RASSF8: variants seen among roughly 807,000 people sequenced by gnomAD.
RASSF8 encodes Ras association domain family member 8.
In RASSF8, 22 loss-of-function variants were observed where a neutral mutation model predicts 48.5. The ratio of observed to expected loss-of-function variants is 0.45; its 90% CI spans 0.32 to 0.65. The LOEUF is 0.65. RASSF8 is among the 30% of genes least tolerant of loss of function. RASSF8 has a pLI of 0.03. For missense variants in RASSF8, 418 were observed against 489.2 expected (o/e 0.85, Z 1.37); for synonymous variants, 127 against 171.5 (o/e 0.74, Z 2.03).
chr12:26,042,820 G>T (rs1317720775), intron 2 of RASSF8, among the ~76,000 whole-genome samples: 3 of 152,042 alleles, frequency 2.0e-5, no homozygotes, highest in African/African-American at 7.2e-5. Context: ...ATATTTAAGG[G>T]TTTTACAGTG....
In RASSF8 at chr12:25,993,897, C is replaced by G. The variant is rs534038992; in HGVS notation, c.-202-1140C>G. Among the ~76,000 whole-genome samples, 201 of 152,194 alleles carry G rather than the reference C, an allele frequency of 1.3e-3. 1 individual carries two copies. The highest frequency in any genetic ancestry group is 5.5e-3 in the Admixed American group (84 of 15,284). ...GATTTGGAAGCGGGCACTAGTGCAC[C>G]TTTTTGTTACAACTGTAACACTATG... On this transcript the variant is annotated intron_variant, in intron 1 of 5. Coordinates refer to ENST00000689635, the MANE Select transcript of RASSF8 (RefSeq NM_001394098.1).
At chr12:25,977,890 G>A (rs918390786) in intron 1 of RASSF8, among the ~76,000 whole-genome samples, 1 of 152,158 alleles carries the variant, frequency 6.6e-6, no homozygotes, top group Admixed American at 6.5e-5. Flanking sequence ...ACACTTGGAA[G>A]GTCATTGTAC....
chr12:26,068,928 G>GT lies in RASSF8; in HGVS notation c.*116dup, dbSNP rs1326381448. On this transcript the variant is annotated 3_prime_UTR_variant, in exon 6 of 6. Coordinates refer to ENST00000689635, the MANE Select transcript of RASSF8 (RefSeq NM_001394098.1). The stretch of plus-strand genomic sequence containing the variant: ...GGATCTATTCCACAAGACGCTGTAT[G>GT]TTTTTTCTCTCCTAAATTGCATACC... 2.7e-6 allele frequency: 4 copies of GT among 1,460,320 alleles called. No homozygotes were observed. Among genetic ancestry groups the GT allele is most frequent in the Non-Finnish European group, 3.6e-6 (4 of 1,108,610 alleles). The allele number at this position is 1,460,320 out of a possible 1,614,324, so 90.5% of individuals were successfully genotyped here.
intron 2 of RASSF8, among the ~76,000 whole-genome samples, chr12:25,997,048 A>C (rs143919405): frequency 6.6e-6 from 1 of 152,152 alleles, no homozygotes; most frequent in Non-Finnish European, 1.5e-5. Flanking sequence ...ATAATGATGC[A>C]GTTTCTCTTG....
chr12:26,076,917 C>T (rs998568671), downstream of RASSF8, among the ~76,000 whole-genome samples: 5 of 152,238 alleles, frequency 3.3e-5, no homozygotes, highest in Non-Finnish European at 5.9e-5. Flanking sequence ...CACATCCTCT[C>T]CAGCATCTGT....
chr12:26,069,644 A>T lies in RASSF8; in HGVS notation c.*826A>T. 1.0e-6 allele frequency: 1 copy of T among 985,402 alleles called. No individual in the cohort carries two copies. Among genetic ancestry groups the T allele is most frequent in the Non-Finnish European group, 1.2e-6 (1 of 829,898 alleles). The allele number at this position is 985,402 out of a possible 1,614,324, so 61.0% of individuals were successfully genotyped here. A position where few individuals can be genotyped will look rare whatever the true frequency, so the allele number is the denominator to read the frequency against. ...TGTTTTGTTTCTGCCCTGTCTTATC[A>T]TTTACACTCATGGATCTTCAGAATT... On this transcript the variant is annotated 3_prime_UTR_variant, in exon 6 of 6. Coordinates refer to ENST00000689635, the MANE Select transcript of RASSF8 (RefSeq NM_001394098.1).
chr12:25,978,728 A>G (rs1167780236), intron 1 of RASSF8, among the ~76,000 whole-genome samples: 3 of 151,622 alleles, frequency 2.0e-5, no homozygotes, highest in Non-Finnish European at 1.5e-5. Flanking sequence ...TCAGATCATT[A>G]TAGGCTGGTC....
In RASSF8 at chr12:26,048,991, C is replaced by T. The variant is rs78685789; in HGVS notation, c.-108-6245C>T. Among the ~76,000 whole-genome samples the T allele has an allele frequency of 6.7e-4, 102 of 152,278 alleles. 1 individual carries two copies. In the East Asian group the frequency reaches 0.018, roughly 26 times the overall value. ...CAGGCCGGTCTCGAACTCCTGACCT[C>T]AGGTGATCCGCCTACCTTGGCCTCC... On this transcript the variant is annotated intron_variant, in intron 2 of 5. Transcript: ENST00000689635.
chr12:26,024,689 G>T (rs778096687), intron 2 of RASSF8, among the ~76,000 whole-genome samples: 1 of 152,222 alleles, frequency 6.6e-6, no homozygotes, highest in Non-Finnish European at 1.5e-5. Context: ...GGGCGCTGTG[G>T]CTCACGCCCG....
In RASSF8 at chr12:26,018,975, A is replaced by G. The variant is rs1325122765; in HGVS notation, c.-109+23845A>G. 2.6e-5 allele frequency among the ~76,000 whole-genome samples: 4 copies of G among 152,200 alleles called. No individual in the cohort carries two copies. The East Asian group carries it at 7.7e-4, about 29-fold the overall frequency. On this transcript the variant is annotated intron_variant, in intron 2 of 5. Coordinates refer to ENST00000689635, the MANE Select transcript of RASSF8 (RefSeq NM_001394098.1). ...GACTTCCACCTGGCTTGGTTCAGCC[A>G]TAGTGGTGAAGTGGTGTGGTATGCT...
intron 1 of RASSF8, among the ~76,000 whole-genome samples, chr12:25,985,769 C>T (rs1291830363): frequency 1.3e-5 from 2 of 152,056 alleles, no homozygotes; most frequent in Admixed American, 1.3e-4. Context: ...TTCAGCAGTG[C>T]AGTGCTAGGG....
At chr12:25,998,532 A>G (rs1052520718) in intron 2 of RASSF8, among the ~76,000 whole-genome samples, 6 of 151,946 alleles carry the variant, frequency 3.9e-5, no homozygotes, top group African/African-American at 1.4e-4. Context: ...TATTTTTATT[A>G]CAGACGGGGT....
At chr12:26,004,549 A>G (rs898046630) in intron 2 of RASSF8, among the ~76,000 whole-genome samples, 2 of 152,230 alleles carry the variant, frequency 1.3e-5, no homozygotes, top group African/African-American at 2.4e-5. Context: ...TACACTGTCA[A>G]TTAACACATA....
At chr12:26,027,961 C>T (rs546210143) in intron 2 of RASSF8, among the ~76,000 whole-genome samples, 1 of 152,226 alleles carries the variant, frequency 6.6e-6, no homozygotes, top group African/African-American at 2.4e-5. Context: ...TGAGGAACGT[C>T]AGCTGTGCAG....
chr12:25,978,716 G>A (rs1476040195), intron 1 of RASSF8, among the ~76,000 whole-genome samples: 4 of 151,844 alleles, frequency 2.6e-5, no homozygotes, highest in African/African-American at 9.7e-5. Context: ...GGCACGATGG[G>A]ATCAGATCAT....
At chr12:25,978,448 A>G (rs1454162775) in intron 1 of RASSF8, among the ~76,000 whole-genome samples, 2 of 152,218 alleles carry the variant, frequency 1.3e-5, no homozygotes. Context: ...ACATATAAAT[A>G]TGTTAATAAG....
chr12:26,072,693 T>C lies in RASSF8; in HGVS notation c.*3875T>C. On this transcript the variant is annotated 3_prime_UTR_variant, in exon 6 of 6. Transcript: ENST00000689635. ...TTCACTAATTGTGAGCACATAAATA[T>C]GCTTTTAGTACTGCTTTGCTTATGT... is the stretch of plus-strand genomic sequence containing the variant. 1 of 984,432 alleles carries C rather than the reference T, an allele frequency of 1.0e-6. No individual in the cohort carries two copies. The highest frequency in any genetic ancestry group is 4.7e-5 in the South Asian group (1 of 21,264). The allele number at this position is 984,432 out of a possible 1,614,324, so 61.0% of individuals were successfully genotyped here.
At chr12:26,066,162 A>G (rs1310212302) in intron 4 of RASSF8, among the ~76,000 whole-genome samples, 1 of 152,216 alleles carries the variant, frequency 6.6e-6, no homozygotes, top group Admixed American at 6.5e-5. Context: ...TCACATTTCA[A>G]GTGCCCAGTA....
intron 2 of RASSF8, among the ~76,000 whole-genome samples, chr12:26,054,224 A>G (rs1943552965): frequency 6.6e-6 from 1 of 152,222 alleles, no homozygotes; most frequent in African/African-American, 2.4e-5. Context: ...ACATAGGAAG[A>G]GTTGAGAGTT....
Sources: allele counts gnomAD v4.1 joint callset (sites outside exome capture counted in the v4.1 genomes callset), GRCh38; gene constraint gnomAD v4.1.1; transcripts MANE v1.5; gene names NCBI Gene and HGNC (gene_info 2026-07-23, HGNC 2026-07-21).